ARHGEF40: variants seen among roughly 807,000 people sequenced by gnomAD.
ARHGEF40 encodes Rho guanine nucleotide exchange factor 40, also known as Rho guanine nucleotide exchange factor (GEF) 40.
ARHGEF40 carries 98 observed loss-of-function variants against 165.9 expected under a neutral mutation model. The observed-to-expected ratio is 0.59, with a 90% CI of 0.50 to 0.70. The LOEUF (loss-of-function observed/expected upper bound fraction) is 0.70. Ranked by LOEUF, ARHGEF40 falls within the 30% of genes least tolerant of loss-of-function variation. The pLI is 0.00. For synonymous variants in ARHGEF40, 792 were observed against 814.3 expected, an observed-to-expected ratio of 0.97 and a Z score of 0.47; for missense variants, 1,815 against 1,968.0, an observed-to-expected ratio of 0.92 and a Z score of 1.47.
At position 21,075,386 on chromosome 14, in the gene ARHGEF40, CTG is replaced by C; in HGVS notation, c.1508_1509del (p.Val503AlafsTer19). Reference sequence around the variant, plus strand: ...GACACTCCAACACCTCCGCTGGAGACTGTGCAGGAAGGAAAAGGGGACAACAT... The same window carrying C: ...GACACTCCAACACCTCCGCTGGAGACTGCAGGAAGGAAAAGGGGACAACAT... On this transcript the variant is annotated frameshift_variant, in exon 4 of 24. Transcript: ENST00000298694. LOFTEE classifies it high-confidence loss of function. The surrounding 1 kb of genome is among the most constrained non-coding windows in gnomAD (Gnocchi z 4.5). The C allele has an allele frequency of 6.2e-7, 1 of 1,614,210 alleles. No individual in the cohort carries two copies. The highest frequency in any genetic ancestry group is 8.5e-7 in the Non-Finnish European group (1 of 1,180,052).
upstream of ARHGEF40, among the ~76,000 whole-genome samples, chr14:21,067,670 C>G (rs1170373294): frequency 6.6e-6 from 1 of 151,788 alleles, no homozygotes; most frequent in African/African-American, 2.4e-5. Flanking sequence ...TGGTCTATTC[C>G]CAGCCTCTAA....
rs1380048991 is a variant in ARHGEF40 at position 21,089,324 on chromosome 14, C to G, written c.*316C>G. On this transcript the variant is annotated 3_prime_UTR_variant, in exon 24 of 24. Transcript: ENST00000298694. ...CCAGGACATCACTCCCATGCCAGCCCTCCCTGGCAGCCCATGTTCTCCTCT... is the reference window on the plus strand; with the variant it reads ...CCAGGACATCACTCCCATGCCAGCCGTCCCTGGCAGCCCATGTTCTCCTCT... The G allele has an allele frequency of 1.3e-5, 2 of 156,896 alleles. No homozygotes were observed. Among genetic ancestry groups the G allele is most frequent in the Non-Finnish European group, 2.8e-5 (2 of 71,106 alleles). 9.7% of individuals were successfully genotyped at this position (156,896 alleles called of 1,614,324 possible).
At chr14:21,068,361 A>G (rs1886399101), upstream of ARHGEF40, among the ~76,000 whole-genome samples, 1 of 151,454 alleles carries the variant, frequency 6.6e-6, no homozygotes, top group African/African-American at 2.4e-5. Flanking sequence ...GAGTTTGTGG[A>G]CCCCCATAGC....
chr14:21,084,826 T>C lies in ARHGEF40; in HGVS notation c.3863T>C (p.Leu1288Pro). 1 of 1,614,254 alleles carries C rather than the reference T, an allele frequency of 6.2e-7. No homozygotes were observed. Among genetic ancestry groups the C allele is most frequent in the Non-Finnish European group, 8.5e-7 (1 of 1,180,038 alleles). ...GTCATCTGTGGCCGAAAGAAGTGCC[T>C]TCGCCATGTCTTTCTCTTCGAGCAT... ...FTVICGRKKC[L>P]RHVFLFEHLL... The change falls in exon 18 of 24, where the codon CTT becomes CCT. Residue 1288 changes from leucine (L) to proline (P), a missense_variant. Leu to Pro is a moderately conservative substitution (Grantham distance 98, BLOSUM62 -3). Transcript: ENST00000298694.
At chr14:21,068,997 G>T (rs1886455115), upstream of ARHGEF40, among the ~76,000 whole-genome samples, 1 of 152,258 alleles carries the variant, frequency 6.6e-6, no homozygotes, top group Non-Finnish European at 1.5e-5. Context: ...CTGCAGGCGA[G>T]GCCAGACGTT....
chr14:21,065,685 T>C (rs886787069), upstream of ARHGEF40, among the ~76,000 whole-genome samples: 9 of 152,272 alleles, frequency 5.9e-5, no homozygotes, highest in South Asian at 8.3e-4. Flanking sequence ...AGTTAAGACC[T>C]GAAGGATGAC....
rs569792957 is a variant in ARHGEF40, at chr14:21,088,826, C to T, written c.4519-4C>T. On this transcript the variant is annotated splice_region_variant and splice_polypyrimidine_tract_variant and intron_variant, in intron 22 of 23. Transcript: ENST00000298694. ...TAAATTCACTGTAGCTTCTCTCCCC[C>T]CAGAGTCATGCTCGAGCCCTGAGTG... 1 of 1,611,792 alleles carries T rather than the reference C, an allele frequency of 6.2e-7. No homozygotes were observed.
chr14:21,090,029 G>A lies in ARHGEF40; in HGVS notation c.*1021G>A, dbSNP rs945046180. On this transcript the variant is annotated 3_prime_UTR_variant, in exon 24 of 24. Transcript: ENST00000298694. The surrounding 1 kb of genome is among the most constrained non-coding windows in gnomAD (Gnocchi z 4.4). ...AAGAGGTGACTATTTCCTGACAGAA[G>A]GACCCAAAGAGGGAAGCAGGACATA... The A allele has an allele frequency of 2.0e-5, 5 of 249,158 alleles. No individual in the cohort carries two copies. The highest frequency in any genetic ancestry group is 6.8e-5 in the African/African-American group (3 of 44,394). The allele number at this position is 249,158 out of a possible 1,614,324, so 15.4% of individuals were successfully genotyped here.
Position 21,075,182 on chromosome 14 carries a change from T to A in ARHGEF40, c.1450+2T>A. 1 of 1,589,328 alleles carries A rather than the reference T, an allele frequency of 6.3e-7. No individual in the cohort carries two copies. The highest frequency in any genetic ancestry group is 1.4e-5 in the African/African-American group (1 of 74,070). On this transcript the variant is annotated splice_donor_variant, in intron 3 of 23. Transcript: ENST00000298694. LOFTEE classifies it high-confidence loss of function. The surrounding 1 kb of genome is among the most constrained non-coding windows in gnomAD (Gnocchi z 4.5). ...GGCCAGGCCTGCTGTGTATGGCAGGTGAGATGACACGGAGTGAGGCTCATG... is the reference window on the plus strand; with the variant it reads ...GGCCAGGCCTGCTGTGTATGGCAGGAGAGATGACACGGAGTGAGGCTCATG...
At position 21,072,242 on chromosome 14, in the gene ARHGEF40, G is replaced by C. The variant is rs574552306; in HGVS notation, c.4-803G>C. On this transcript the variant is annotated intron_variant, in intron 1 of 23. Transcript: ENST00000298694. The surrounding 1 kb of genome is among the most constrained non-coding windows in gnomAD (Gnocchi z 4.1). ...GAGTCTTTTTGAGACTCCTAGTGGA[G>C]GTTGGCAGAGAGAGGTCCCACTGGA... Among the ~76,000 whole-genome samples, 1 of 152,280 alleles carries C rather than the reference G, an allele frequency of 6.6e-6. No individual in the cohort carries two copies. Among genetic ancestry groups the C allele is most frequent in the South Asian group, 2.1e-4 (1 of 4,822 alleles).
chr14:21,074,946 GAAGA>G lies in ARHGEF40; in HGVS notation c.1217_1220del (p.Glu406ValfsTer120). On this transcript the variant is annotated frameshift_variant, in exon 3 of 24. Transcript: ENST00000298694. LOFTEE classifies it high-confidence loss of function. This position sits in a 1 kb window ranked among gnomAD's most constrained non-coding sequence, Gnocchi z 4.8. ...TGCCCCACTGAGCCCTGGGGACAAG[GAAGA>G]TGCCAGCCACCAAGAAGCCCTTGGC... is the stretch of plus-strand genomic sequence containing the variant. 2 of 1,608,090 alleles carry G rather than the reference GAAGA, an allele frequency of 1.2e-6. No individual in the cohort carries two copies. Among genetic ancestry groups the G allele is most frequent in the Non-Finnish European group, 1.7e-6 (2 of 1,177,718 alleles).
upstream of ARHGEF40, among the ~76,000 whole-genome samples, chr14:21,069,811 C>T (rs1163455326): frequency 1.3e-5 from 2 of 152,208 alleles, no homozygotes; most frequent in Non-Finnish European, 2.9e-5. Flanking sequence ...GCCCTGGGTC[C>T]TGCCAAAGTC....
At position 21,081,707 on chromosome 14, in the gene ARHGEF40, G is replaced by A. The variant is rs1418719178; in HGVS notation, c.2839G>A (p.Glu947Lys). The change falls in exon 14 of 24, where the codon GAG becomes AAG. Residue 947 changes from glutamate (E) to lysine (K), a missense_variant. Transcript: ENST00000298694. ...GGGCCGCTGCCAGGCCCGCTGCCAA[G>A]AGCTAGAGAGGAGGATCCAGCAACA... ...EWGRCQARCQ[E>K]LERRIQQHVG... The A allele has an allele frequency of 6.3e-7, 1 of 1,579,606 alleles. No individual in the cohort carries two copies. Among genetic ancestry groups the A allele is most frequent in the Non-Finnish European group, 8.6e-7 (1 of 1,162,906 alleles).
Position 21,087,445 on chromosome 14 carries a change from G to C in ARHGEF40, c.4369G>C (p.Val1457Leu). ...RVEEEAWDLD[V>L]KQISLAPETL... ...CGAGGAGGAGGCCTGGGATCTGGAC[G>C]TCAAGCAAATTTCCCTGGGTGAGGC... The change falls in exon 21 of 24, where the codon GTC becomes CTC. Residue 1457 changes from valine to leucine, a missense_variant. Transcript: ENST00000298694. 6.2e-7 allele frequency: 1 copy of C among 1,600,764 alleles called. No individual in the cohort carries two copies. Among genetic ancestry groups the C allele is most frequent in the South Asian group, 1.1e-5 (1 of 91,078 alleles).
At chr14:21,066,160 G>T (rs921118201), upstream of ARHGEF40, among the ~76,000 whole-genome samples, 2 of 152,138 alleles carry the variant, frequency 1.3e-5, no homozygotes, top group African/African-American at 4.8e-5. Flanking sequence ...GTGGCTGCAG[G>T]GTCACTAGTG....
rs2139218952 is a variant in ARHGEF40 at position 21,075,223 on chromosome 14, C to T, written c.1450+43C>T. The T allele has an allele frequency of 6.3e-7, 1 of 1,582,608 alleles. No individual in the cohort carries two copies. Among genetic ancestry groups the T allele is most frequent in the South Asian group, 1.2e-5 (1 of 85,178 alleles). On this transcript the variant is annotated intron_variant, in intron 3 of 23. Transcript: ENST00000298694. This position sits in a 1 kb window ranked among gnomAD's most constrained non-coding sequence, Gnocchi z 4.5. ...GAGGCTCATGGGGCAAGGGCCAAAG[C>T]AGGTCGGGCCTATGGGAGGGGGCAG... is the stretch of plus-strand genomic sequence containing the variant.
At position 21,087,079 on chromosome 14, in the gene ARHGEF40, C is replaced by T. The variant is rs78373354; in HGVS notation, c.4217C>T (p.Thr1406Met). ...GACATCAAAGCCCTTGGGGAGCGGA[C>T]GCTGAGTGCCCTGCTCACTGGAAGA... ...FLDIKALGER[T>M]LSALLTGRAA... Residue 1406 changes from threonine to methionine, a missense_variant, in exon 20 of 24, where the codon ACG becomes ATG. Thr to Met is a moderately conservative substitution (Grantham distance 81). Transcript: ENST00000298694. 4.4e-6 allele frequency: 7 copies of T among 1,608,084 alleles called. No homozygotes were observed. Among genetic ancestry groups the T allele is most frequent in the East Asian group, 2.2e-5 (1 of 44,694 alleles).
rs74672586 is a variant in ARHGEF40 at position 21,071,285 on chromosome 14, C to A, written c.3+886C>A. Reference sequence around the variant, plus strand: ...TTCACTGCAGAGTACTCTGAAGCACCGCTGCGAGAGTGGGCACTGCCAGAG... The same window carrying A: ...TTCACTGCAGAGTACTCTGAAGCACAGCTGCGAGAGTGGGCACTGCCAGAG... On this transcript the variant is annotated intron_variant, in intron 1 of 23. Coordinates refer to ENST00000298694, the MANE Select transcript of ARHGEF40 (RefSeq NM_018071.5). Among the ~76,000 whole-genome samples, 7 of 152,234 alleles carry A rather than the reference C, an allele frequency of 4.6e-5. No individual in the cohort carries two copies. The East Asian group carries it at 1.4e-3, about 30-fold the overall frequency.
Position 21,073,824 on chromosome 14 carries a change from C to T in ARHGEF40, c.202-108C>T. On this transcript the variant is annotated intron_variant, in intron 2 of 23. Coordinates refer to ENST00000298694, the MANE Select transcript of ARHGEF40 (RefSeq NM_018071.5). The surrounding 1 kb of genome is among the most constrained non-coding windows in gnomAD (Gnocchi z 4.6). ...CCTCCTGCTCTCCTGAGAGTATAAC[C>T]TTCCAGGCATAAGGCTGGTCCTGCC... 7.6e-7 allele frequency: 1 copy of T among 1,311,638 alleles called. No individual in the cohort carries two copies. Among genetic ancestry groups the T allele is most frequent in the Non-Finnish European group, 1.0e-6 (1 of 960,986 alleles). 81.2% of individuals were successfully genotyped at this position (1,311,638 alleles called of 1,614,324 possible).
Sources: allele counts gnomAD v4.1 joint callset (sites outside exome capture counted in the v4.1 genomes callset), GRCh38; gene constraint gnomAD v4.1.1; non-coding constraint Gnocchi (gnomAD v3.1); transcripts MANE v1.5; gene names NCBI Gene and HGNC (gene_info 2026-07-23, HGNC 2026-07-21).